MACROD2: variants seen among roughly 807,000 people sequenced by gnomAD.
MACROD2 encodes ADP-ribose glycohydrolase MACROD2.
Under a neutral mutation model 70.4 loss-of-function variants are expected in MACROD2, and 36 were observed. The observed-to-expected ratio is 0.51, with a 90% confidence interval of 0.39 to 0.68. The LOEUF (loss-of-function observed/expected upper bound fraction) is 0.68, where lower values mean the gene tolerates loss of function less well. Ranked by LOEUF, MACROD2 falls within the 30% of genes least tolerant of loss-of-function variation. MACROD2 has a pLI of 0.00. For synonymous variants in MACROD2, 172 were observed against 178.8 expected, an observed-to-expected ratio of 0.96 and a Z score of 0.30; for missense variants, 496 against 538.4, an observed-to-expected ratio of 0.92 and a Z score of 0.78.
intron 5 of MACROD2, among the ~76,000 whole-genome samples, chr20:14,815,945 G>A (rs975278074): frequency 6.6e-6 from 1 of 151,816 alleles, no homozygotes; most frequent in African/African-American, 2.4e-5. Context: ...TTGACTCTTC[G>A]TGTCTAATAG....
intron 6 of MACROD2, among the ~76,000 whole-genome samples, chr20:15,360,379 C>A (rs1204333829): frequency 6.6e-6 from 1 of 152,006 alleles, no homozygotes; most frequent in Non-Finnish European, 1.5e-5. Context: ...GCTTTATGAA[C>A]CAGCAATCAT....
At chr20:15,606,558 G>T (rs917463632) in intron 8 of MACROD2, among the ~76,000 whole-genome samples, 1 of 152,038 alleles carries the variant, frequency 6.6e-6, no homozygotes, top group Non-Finnish European at 1.5e-5. Context: ...GTGTCCCAAC[G>T]CACTAATTTT....
intron 5 of MACROD2, among the ~76,000 whole-genome samples, chr20:14,860,487 G>A (rs1314553354): frequency 6.6e-6 from 1 of 152,092 alleles, no homozygotes; most frequent in Non-Finnish European, 1.5e-5. Flanking sequence ...TTTCAAGCCT[G>A]TGGGCAGAAA....
At chr20:15,973,504 TACC>T (rs2066261829) in intron 13 of MACROD2, among the ~76,000 whole-genome samples, 1 of 152,162 alleles carries the variant, frequency 6.6e-6, no homozygotes, top group Admixed American at 6.5e-5. Context: ...TAAAAGAAGA[TACC>T]TTACTTTCTA....
At chr20:15,993,213 G>C (rs1036636660) in intron 15 of MACROD2, among the ~76,000 whole-genome samples, 3 of 146,484 alleles carry the variant, frequency 2.0e-5, no homozygotes, top group African/African-American at 7.6e-5. Context: ...GTTAAAACTG[G>C]TTCAAAGGAG....
At chr20:14,743,017 C>T (rs188253475) in intron 5 of MACROD2, among the ~76,000 whole-genome samples, 18 of 152,176 alleles carry the variant, frequency 1.2e-4, no homozygotes, top group Middle Eastern at 3.4e-3. Context: ...CCGCCCGCCT[C>T]GGCCTCCCAA....
intron 12 of MACROD2, among the ~76,000 whole-genome samples, chr20:15,944,465 A>G (rs1419384400): frequency 6.6e-6 from 1 of 152,122 alleles, no homozygotes; most frequent in Non-Finnish European, 1.5e-5. Flanking sequence ...CTGTCTTTCA[A>G]ATATAACAGT....
intron 5 of MACROD2, among the ~76,000 whole-genome samples, chr20:15,100,963 A>G (rs1190288743): frequency 6.6e-6 from 1 of 152,164 alleles, no homozygotes; most frequent in Non-Finnish European, 1.5e-5. Context: ...CTGCAGGTGA[A>G]CAGGAAAAAA....
intron 3 of MACROD2, among the ~76,000 whole-genome samples, chr20:14,292,721 G>A (rs1349820704): frequency 3.3e-5 from 5 of 150,856 alleles, no homozygotes; most frequent in Admixed American, 6.6e-5. Context: ...TGCAACCTCC[G>A]CCTCCCAGGT....
At chr20:14,591,788 G>A (rs189137739) in intron 4 of MACROD2, among the ~76,000 whole-genome samples, 198 of 152,292 alleles carry the variant, frequency 1.3e-3, no homozygotes, top group African/African-American at 4.6e-3. Flanking sequence ...CGCTGTAATA[G>A]TCAAACAAAC....
At chr20:14,903,905 T>G (rs1390205791) in intron 5 of MACROD2, among the ~76,000 whole-genome samples, 1 of 152,076 alleles carries the variant, frequency 6.6e-6, no homozygotes, top group Non-Finnish European at 1.5e-5. Flanking sequence ...GCATGAAAGG[T>G]TTTTTTATTT....
At chr20:14,731,147 A>T (rs1862033615) in intron 5 of MACROD2, among the ~76,000 whole-genome samples, 1 of 152,132 alleles carries the variant, frequency 6.6e-6, no homozygotes, top group East Asian at 1.9e-4. Flanking sequence ...AATAATGCTC[A>T]ATCCTGGTAA....
At chr20:14,555,308 G>C (rs1420978760) in intron 4 of MACROD2, among the ~76,000 whole-genome samples, 15 of 152,008 alleles carry the variant, frequency 9.9e-5, no homozygotes. Flanking sequence ...AATTCTAGTA[G>C]TAGAATATAT....
At chr20:15,459,462 C>G (rs116502018) in intron 7 of MACROD2, among the ~76,000 whole-genome samples, 1,629 of 152,260 alleles carry the variant, frequency 0.011, 33 homozygotes, top group African/African-American at 0.037. Context: ...TTTTTCCCCC[C>G]ACTATCCTTG....
In MACROD2 at chr20:14,720,536, C is replaced by CTTTTTTTT. The variant is rs753673265; in HGVS notation, c.418+35604_418+35611dup. ...GTTTCATTTCCCAGCTGCCCCACAA[C>CTTTTTTTT]TTTTTTTTTTTTTTTTTTTTTTTTT... On this transcript the variant is annotated intron_variant, in intron 5 of 17. Transcript: ENST00000684519. 7.4e-3 allele frequency among the ~76,000 whole-genome samples: 265 copies of CTTTTTTTT among 35,940 alleles called. 66 individuals carry two copies. Among genetic ancestry groups the CTTTTTTTT allele is most frequent in the East Asian group, 0.026 (19 of 742 alleles). The allele number at this position is 35,940 out of a possible 152,430, so 23.6% of individuals were successfully genotyped here.
In MACROD2 at chr20:14,713,881, A is replaced by G. The variant is rs116555026; in HGVS notation, c.418+28922A>G. Among the ~76,000 whole-genome samples the G allele has an allele frequency of 2.1e-3, 316 of 152,318 alleles. 1 individual carries two copies. Among genetic ancestry groups the G allele is most frequent in the African/African-American group, 7.3e-3 (302 of 41,572 alleles). ...TCTGTAATTGGACTTCAGTGGCCTG[A>G]TAATTCTTAATGGAAGCGGTTTAAG... On this transcript the variant is annotated intron_variant, in intron 5 of 17. Transcript: ENST00000684519.
At chr20:14,250,551 T>C (rs1366180379) in intron 3 of MACROD2, among the ~76,000 whole-genome samples, 1 of 152,150 alleles carries the variant, frequency 6.6e-6, no homozygotes, top group East Asian at 1.9e-4. Context: ...TTTGAGCCAT[T>C]GTGTCCTTTA....
intron 8 of MACROD2, among the ~76,000 whole-genome samples, chr20:15,572,211 T>C (rs1300521522): frequency 6.6e-6 from 1 of 152,094 alleles, no homozygotes; most frequent in African/African-American, 2.4e-5. Context: ...GAAGGGTATG[T>C]ATCCTGGAAA....
intron 12 of MACROD2, among the ~76,000 whole-genome samples, chr20:15,958,099 G>T (rs1162393296): frequency 6.6e-6 from 1 of 152,158 alleles, no homozygotes; most frequent in African/African-American, 2.4e-5. Context: ...GAACATCAGA[G>T]ACTTACAGTT....
Sources: gnomAD v4.1 joint callset for allele counts (sites outside exome capture counted in the v4.1 genomes callset) on GRCh38, gnomAD v4.1.1 for gene constraint, MANE v1.5 for transcripts, NCBI Gene and HGNC (gene_info 2026-07-23, HGNC 2026-07-21) for gene names.